ZNF804B: variants seen among roughly 807,000 people sequenced by gnomAD.
ZNF804B encodes zinc finger protein 804B.
In ZNF804B, 80 loss-of-function variants were observed where a neutral mutation model predicts 101.4. The observed-to-expected ratio is 0.79, with a 90% confidence interval of 0.66 to 0.95. ZNF804B has a LOEUF of 0.95. Ranked by LOEUF, ZNF804B falls within the 40% of genes least tolerant of loss-of-function variation. The probability of loss-of-function intolerance (pLI) is 0.00; values close to 1 mark genes in which losing one functional copy is unlikely to be tolerated. For missense variants in ZNF804B, 1,673 were observed against 1,561.9 expected (o/e 1.07, Z -1.20); for synonymous variants, 622 against 558.8 (o/e 1.11, Z -1.59).
At chr7:88,888,653 T>A (rs1792170185) in intron 1 of ZNF804B, among the ~76,000 whole-genome samples, 1 of 152,118 alleles carries the variant, frequency 6.6e-6, no homozygotes, top group African/African-American at 2.4e-5. Context: ...ACTATAACTG[T>A]TTGAATGTTT....
intron 2 of ZNF804B, among the ~76,000 whole-genome samples, chr7:89,260,220 T>A (rs1350581455): frequency 2.0e-5 from 3 of 152,174 alleles, no homozygotes; most frequent in Non-Finnish European, 4.4e-5. Flanking sequence ...AGCAGCTTTA[T>A]AGGTAAGGGC....
At chr7:88,845,281 A>ACG (rs746899354) in intron 1 of ZNF804B, among the ~76,000 whole-genome samples, 2 of 128,854 alleles carry the variant, frequency 1.6e-5, no homozygotes, top group African/African-American at 7.1e-5. Context: ...ATGTGTGCGC[A>ACG]CGCGCGCGCG....
At chr7:88,965,247 G>A (rs921007672) in intron 1 of ZNF804B, among the ~76,000 whole-genome samples, 1 of 151,320 alleles carries the variant, frequency 6.6e-6, no homozygotes, top group Admixed American at 6.6e-5. Context: ...TTATAATGGA[G>A]TGAAATCATG....
intron 1 of ZNF804B, among the ~76,000 whole-genome samples, chr7:88,772,726 T>C (rs949460586): frequency 7.2e-5 from 11 of 152,290 alleles, no homozygotes; most frequent in African/African-American, 2.4e-4. Flanking sequence ...AGGAAAGAAC[T>C]GCAAACTCAA....
intron 1 of ZNF804B, among the ~76,000 whole-genome samples, chr7:88,963,965 C>T (rs1052165986): frequency 6.6e-6 from 1 of 151,172 alleles, no homozygotes; most frequent in African/African-American, 2.4e-5. Flanking sequence ...TTAAAACCAC[C>T]TTACAACTAT....
intron 2 of ZNF804B, among the ~76,000 whole-genome samples, chr7:89,307,489 A>C (rs1790582919): frequency 6.6e-6 from 1 of 152,118 alleles, no homozygotes; most frequent in Non-Finnish European, 1.5e-5. Flanking sequence ...TATTGGAACA[A>C]TGCAGCTCTT....
intron 1 of ZNF804B, among the ~76,000 whole-genome samples, chr7:88,865,455 C>A (rs761807711): frequency 3.6e-4 from 55 of 152,006 alleles, no homozygotes; most frequent in Non-Finnish European, 1.5e-4. Context: ...ATGCTTGAGC[C>A]CAAGAGGTCA....
chr7:89,036,000 ATATAT>A (rs1428133915), intron 1 of ZNF804B, among the ~76,000 whole-genome samples: 1 of 128,682 alleles, frequency 7.8e-6, no homozygotes, highest in African/African-American at 2.8e-5. Context: ...ATATTATATG[ATATAT>A]TAATATATAG....
intron 1 of ZNF804B, among the ~76,000 whole-genome samples, chr7:89,060,819 T>A (rs909959646): frequency 8.5e-5 from 13 of 152,170 alleles, no homozygotes; most frequent in African/African-American, 2.7e-4. Context: ...ACTGTGCATG[T>A]ACATAAAAAA....
chr7:89,294,821 A>G (rs1790354587), intron 2 of ZNF804B, among the ~76,000 whole-genome samples: 1 of 151,996 alleles, frequency 6.6e-6, no homozygotes, highest in African/African-American at 2.4e-5. Context: ...CTTTAGCTCC[A>G]TTCATTCTGA....
intron 1 of ZNF804B, among the ~76,000 whole-genome samples, chr7:88,919,838 C>T (rs1404570265): frequency 2.0e-5 from 3 of 152,034 alleles, no homozygotes; most frequent in Non-Finnish European, 4.4e-5. Context: ...CCTCTTATAT[C>T]CTAATCATTA....
intron 1 of ZNF804B, among the ~76,000 whole-genome samples, chr7:88,899,818 T>G (rs1467416048): frequency 2.0e-5 from 3 of 152,154 alleles, no homozygotes; most frequent in Non-Finnish European, 4.4e-5. Context: ...CTCCAAAGTA[T>G]GTATATAGTA....
chr7:88,825,231 T>C (rs1267153842), intron 1 of ZNF804B, among the ~76,000 whole-genome samples: 1 of 152,132 alleles, frequency 6.6e-6, no homozygotes, highest in African/African-American at 2.4e-5. Context: ...TCAGCTACTT[T>C]ATCAGCAAAG....
intron 2 of ZNF804B, among the ~76,000 whole-genome samples, chr7:89,279,431 G>A (rs1370378517): frequency 1.3e-5 from 2 of 150,558 alleles, no homozygotes; most frequent in Admixed American, 6.6e-5. Flanking sequence ...TCTTGTGCCA[G>A]TTTTCAAAGG....
At chr7:89,285,546 A>AAAAAAAAAAAAGAAGAAGAAGAAG (rs1554389597) in intron 2 of ZNF804B, among the ~76,000 whole-genome samples, 2 of 93,422 alleles carry the variant, frequency 2.1e-5, no homozygotes, top group African/African-American at 5.0e-5. Context: ...AAAAAAAAAA[A>AAAAAAAAAAAAGAAGAAGAAGAAG]AAGAAGAAGA....
chr7:88,892,612 A>G (rs985320045), intron 1 of ZNF804B, among the ~76,000 whole-genome samples: 5 of 152,230 alleles, frequency 3.3e-5, no homozygotes, highest in Admixed American at 2.6e-4. Context: ...GTTCTTTGAG[A>G]TTCCTAAAAA....
In ZNF804B at chr7:89,044,032, T is replaced by C. The variant is rs184611467; in HGVS notation, c.109-174123T>C. On this transcript the variant is annotated intron_variant, in intron 1 of 3. Coordinates refer to ENST00000333190, the MANE Select transcript of ZNF804B (RefSeq NM_181646.5). ...CTATTTGTAACAACATGGATTATGT[T>C]ATTATGACAAGTGAAATAAGCCAGA... Among the ~76,000 whole-genome samples, 144 of 152,330 alleles carry C rather than the reference T, an allele frequency of 9.5e-4. 1 individual carries two copies. The highest frequency in any genetic ancestry group is 6.8e-3 in the Middle Eastern group (2 of 294).
chr7:89,008,360 T>A (rs1788401103), intron 1 of ZNF804B, among the ~76,000 whole-genome samples: 1 of 152,158 alleles, frequency 6.6e-6, no homozygotes, highest in South Asian at 2.1e-4. Flanking sequence ...CAGACTATCC[T>A]CAGTATGCTC....
At chr7:89,112,110 A>AAG (rs1790226169) in intron 1 of ZNF804B, among the ~76,000 whole-genome samples, 1 of 124,276 alleles carries the variant, frequency 8.0e-6, no homozygotes, top group African/African-American at 3.6e-5. Context: ...TATCTCAAAA[A>AAG]AAAAAAAAAA....
Sources: gnomAD v4.1 joint callset for allele counts (sites outside exome capture counted in the v4.1 genomes callset) on GRCh38, gnomAD v4.1.1 for gene constraint, MANE v1.5 for transcripts, NCBI Gene and HGNC (gene_info 2026-07-23, HGNC 2026-07-21) for gene names.